COL12A1: variants seen among roughly 807,000 people sequenced by gnomAD.
COL12A1 encodes the protein collagen alpha-1(XII) chain.
COL12A1 carries 114 observed loss-of-function variants against 349.7 expected under a neutral mutation model. That is an observed-to-expected ratio of 0.33 (90% CI 0.28 to 0.38). The LOEUF (loss-of-function observed/expected upper bound fraction) is 0.38. Ranked by LOEUF, COL12A1 falls within the 10% of genes least tolerant of loss-of-function variation. COL12A1 has a pLI of 1.00. For synonymous variants in COL12A1, 1,369 were observed against 1,329.0 expected, an observed-to-expected ratio of 1.03 and a Z score of -0.66; for missense variants, 3,284 against 3,756.9, an observed-to-expected ratio of 0.87 and a Z score of 3.29.
intron 8 of COL12A1, 31 bp downstream of exon 8, chr6:75,188,331 A>T (rs780900673): frequency 1.3e-6 from 2 of 1,578,258 alleles, no homozygotes; most frequent in East Asian, 2.3e-5. Context: ...GAAAAGACTA[A>T]CACATGGGGA....
chr6:75,175,397 C>T (rs1768885238), intron 12 of COL12A1, 87 bp from the exon 13 acceptor site: 3 of 1,437,464 alleles, frequency 2.1e-6, no homozygotes, highest in East Asian at 2.4e-5. Flanking sequence ...TATGCATGTG[C>T]ACTACATCAA....
At chr6:75,192,398 T>G in intron 3 of COL12A1, 43 bp from the exon 4 acceptor site, 3 of 1,542,934 alleles carry the variant, frequency 1.9e-6, no homozygotes, top group Non-Finnish European at 2.7e-6. Context: ...ACAAAACATT[T>G]TTCACATATA....
chr6:75,087,352 T>C (rs996454809), intron 65 of COL12A1: 11 of 487,832 alleles, frequency 2.3e-5, no homozygotes, highest in African/African-American at 2.2e-4. Flanking sequence ...ATGATGTGAT[T>C]TGGTAAATGC....
At chr6:75,158,374 G>A (rs1218661994) in intron 14 of COL12A1, among the ~76,000 whole-genome samples, 2 of 152,068 alleles carry the variant, frequency 1.3e-5, no homozygotes, top group African/African-American at 2.4e-5. Context: ...AAAGGAAGGT[G>A]ACCACACACC....
intron 8 of COL12A1, among the ~76,000 whole-genome samples, chr6:75,186,482 G>C (rs565338805): frequency 2.0e-5 from 3 of 152,280 alleles, no homozygotes; most frequent in Admixed American, 6.5e-5. Flanking sequence ...ATGCTGGTGA[G>C]GTAGTGGAGA....
chr6:75,175,145 G>T lies in COL12A1; in HGVS notation c.2603C>A (p.Thr868Lys). 2.5e-6 allele frequency: 4 copies of T among 1,614,084 alleles called. No individual in the cohort carries two copies. Among genetic ancestry groups the T allele is most frequent in the Non-Finnish European group, 3.4e-6 (4 of 1,180,028 alleles). The change falls in exon 13 of 66, where the codon ACG becomes AAG. Residue 868 changes from threonine (T) to lysine (K), a missense_variant. Physicochemically the swap from Thr to Lys is moderately conservative, Grantham distance 78. Coordinates refer to ENST00000322507, the MANE Select transcript of COL12A1 (RefSeq NM_004370.6). ...CCCTTCCTTCAATCCCTGCAGCACC[G>T]TATTGGTTGTATCTCCCCTCACAGT... is the stretch of plus-strand genomic sequence containing the variant. ...EVTVRGDTTN[T>K]VLQGLKEGTQ...
chr6:75,139,759 A>G (rs1396626662), intron 27 of COL12A1, among the ~76,000 whole-genome samples: 1 of 152,222 alleles, frequency 6.6e-6, no homozygotes, highest in Non-Finnish European at 1.5e-5. Flanking sequence ...GACCCTGTTC[A>G]GAGAACTGAA....
At chr6:75,130,378 T>C (rs1320933775) in intron 36 of COL12A1, 145 bp from the exon 37 acceptor site, 2 of 874,904 alleles carry the variant, frequency 2.3e-6, no homozygotes, top group South Asian at 1.9e-5. Flanking sequence ...ATGGTTTTAA[T>C]GTGAAATCAT....
chr6:75,152,532 G>T, intron 17 of COL12A1, 50 bp from the exon 18 acceptor site: 1 of 1,606,656 alleles, frequency 6.2e-7, no homozygotes, highest in South Asian at 1.1e-5. Context: ...TTGTTGGCAA[G>T]GGTACTTCCT....
intron 21 of COL12A1, among the ~76,000 whole-genome samples, chr6:75,149,145 A>G (rs994453953): frequency 2.6e-5 from 4 of 152,110 alleles, no homozygotes; most frequent in Non-Finnish European, 5.9e-5. Context: ...TAGCAGCATG[A>G]GAACAGACTA....
chr6:75,192,189 T>C lies in COL12A1; in HGVS notation c.334+23A>G, dbSNP rs1237049428. On this transcript the variant is annotated intron_variant, in intron 4 of 65. Transcript: ENST00000322507. ...CTGCAAAATAAAAATTATACAAATA[T>C]TTTATTTTATATGTGTGCTTACTTG... 2.8e-6 allele frequency: 4 copies of C among 1,440,470 alleles called. No homozygotes were observed. In the Admixed American group the frequency reaches 7.8e-5, roughly 28 times the overall value. 89.2% of individuals were successfully genotyped at this position (1,440,470 alleles called of 1,614,324 possible). A position where few individuals can be genotyped will look rare whatever the true frequency, so the allele number is the denominator to read the frequency against.
chr6:75,095,748 C>CA (rs1435558591), intron 59 of COL12A1, among the ~76,000 whole-genome samples: 2 of 151,908 alleles, frequency 1.3e-5, no homozygotes, highest in Non-Finnish European at 2.9e-5. Context: ...AAAATACACG[C>CA]ATATGTATAT....
chr6:75,170,141 A>G (rs968274772), intron 13 of COL12A1, among the ~76,000 whole-genome samples: 2 of 152,204 alleles, frequency 1.3e-5, no homozygotes, highest in Non-Finnish European at 2.9e-5. Flanking sequence ...TGAAAAGCAA[A>G]TTATCATCCA....
chr6:75,086,648 GTATA>G (rs61611291), intron 65 of COL12A1, 91 bp from the exon 66 acceptor site: 19,745 of 283,588 alleles, frequency 0.07, 9 homozygotes, highest in Middle Eastern at 0.11. Context: ...AATGGTTAAA[GTATA>G]TATATATATA....
chr6:75,194,999 C>T (rs764564080), intron 2 of COL12A1, 52 bp from the exon 3 acceptor site: 6 of 996,032 alleles, frequency 6.0e-6, no homozygotes, highest in Non-Finnish European at 9.0e-6. Context: ...ACAAAATGGT[C>T]AATTTAATTA....
At chr6:75,171,848 A>G (rs1768652946) in intron 13 of COL12A1, among the ~76,000 whole-genome samples, 1 of 152,246 alleles carries the variant, frequency 6.6e-6, no homozygotes, top group Admixed American at 6.5e-5. Flanking sequence ...ATGCTTTCAC[A>G]TATTTGTCAA....
At position 75,137,579 on chromosome 6, in the gene COL12A1, G is replaced by A; in HGVS notation, c.5252C>T (p.Ala1751Val). The A allele has an allele frequency of 6.2e-7, 1 of 1,613,558 alleles. No homozygotes were observed. Among genetic ancestry groups the A allele is most frequent in the Non-Finnish European group, 8.5e-7 (1 of 1,179,774 alleles). The change falls in exon 31 of 66, where the codon GCT becomes GTT. Residue 1751 changes from alanine to valine, a missense_variant and splice_region_variant. By Grantham distance (64) the Ala-to-Val change is moderately conservative. This residue lies in a region of COL12A1 where 2,601 missense variants were observed against 2,824.8 expected (regional missense o/e 0.92). Transcript: ENST00000322507. ...ERTLPILTTQ[A>V]PKSGPRNLQV... ...AAGGTTTCGTGGGCCACTTTTGGGAGCTGAAAGAAGATTGTTGAAAAACTG... is the reference window on the plus strand; with the variant it reads ...AAGGTTTCGTGGGCCACTTTTGGGAACTGAAAGAAGATTGTTGAAAAACTG...
chr6:75,164,678 A>C (rs1768193119), intron 14 of COL12A1, among the ~76,000 whole-genome samples: 1 of 152,188 alleles, frequency 6.6e-6, no homozygotes, highest in Admixed American at 6.5e-5. Context: ...CTCCTGCATT[A>C]TCAATATCCT....
chr6:75,170,961 A>T (rs2149445819), intron 13 of COL12A1, among the ~76,000 whole-genome samples: 1 of 152,352 alleles, frequency 6.6e-6, no homozygotes, highest in East Asian at 1.9e-4. Context: ...CTAAAAAGTC[A>T]TATTTTCCAT....
Sources: allele counts gnomAD v4.1 joint callset (sites outside exome capture counted in the v4.1 genomes callset), GRCh38; gene constraint gnomAD v4.1.1; regional missense constraint gnomAD v4.1.1; transcripts MANE v1.5; gene names NCBI Gene and HGNC (gene_info 2026-07-23, HGNC 2026-07-21).